The following ERBB4 variants were observed in gnomAD, a reference collection of about 807,000 sequenced individuals.
ERBB4 encodes receptor tyrosine-protein kinase erbB-4.
In ERBB4, 42 loss-of-function variants were observed where a neutral mutation model predicts 158.0. The ratio of observed to expected loss-of-function variants is 0.27; its 90% CI spans 0.21 to 0.34. ERBB4 has a LOEUF of 0.34. ERBB4 is among the 10% of genes least tolerant of loss of function. The probability of loss-of-function intolerance (pLI) is 1.00; values close to 1 mark genes in which losing one functional copy is unlikely to be tolerated. For missense variants in ERBB4, 1,333 were observed against 1,624.1 expected (o/e 0.82, Z 3.08); for synonymous variants, 583 against 558.7 (o/e 1.04, Z -0.61).
chr2:212,166,044 T>A (rs529083877), intron 1 of ERBB4, among the ~76,000 whole-genome samples: 1 of 150,140 alleles, frequency 6.7e-6, no homozygotes, highest in African/African-American at 2.4e-5. Flanking sequence ...TGTGCTCTGA[T>A]AACATCACAA....
Position 211,580,834 on chromosome 2 carries a change from AG to A in ERBB4, c.2302-18747del, listed in dbSNP as rs1559317283. Among the ~76,000 whole-genome samples, 32 of 79,830 alleles carry A rather than the reference AG, an allele frequency of 4.0e-4. 1 individual carries two copies. The highest frequency in any genetic ancestry group is 1.2e-3 in the East Asian group (3 of 2,404). 52.4% of individuals were successfully genotyped at this position (79,830 alleles called of 152,430 possible). ...TATAATATATATATATTATATATAT[AG>A]ATTATATATTATATATATAGTATGC... On this transcript the variant is annotated intron_variant, in intron 19 of 27. Coordinates refer to ENST00000342788, the MANE Select transcript of ERBB4 (RefSeq NM_005235.3).
chr2:212,122,802 T>C (rs2079797963), intron 2 of ERBB4, among the ~76,000 whole-genome samples: 1 of 151,810 alleles, frequency 6.6e-6, no homozygotes, highest in South Asian at 2.1e-4. Flanking sequence ...GACATTTTTA[T>C]ATATTATTTA....
chr2:211,616,149 T>C (rs1371600097), intron 19 of ERBB4, among the ~76,000 whole-genome samples: 1 of 151,986 alleles, frequency 6.6e-6, no homozygotes, highest in Non-Finnish European at 1.5e-5. Context: ...GCTGGAAGGA[T>C]ATGTAGGGGG....
At chr2:212,083,132 T>A (rs1351005113) in intron 2 of ERBB4, among the ~76,000 whole-genome samples, 7 of 151,998 alleles carry the variant, frequency 4.6e-5, no homozygotes, top group Admixed American at 4.6e-4. Context: ...GCAGTATGGA[T>A]ATACGGAGAT....
intron 1 of ERBB4, among the ~76,000 whole-genome samples, chr2:212,413,842 A>G (rs899277982): frequency 2.6e-5 from 4 of 152,222 alleles, no homozygotes; most frequent in African/African-American, 9.6e-5. Flanking sequence ...ATGATATATT[A>G]TCTATAGTGA....
At chr2:211,861,446 TC>T (rs1216325906) in intron 3 of ERBB4, among the ~76,000 whole-genome samples, 1 of 146,610 alleles carries the variant, frequency 6.8e-6, no homozygotes, top group Non-Finnish European at 1.5e-5. Context: ...TCCGTCATCC[TC>T]CCACTTCAGC....
At chr2:212,496,548 A>AT (rs1393797573) in intron 1 of ERBB4, among the ~76,000 whole-genome samples, 1 of 152,208 alleles carries the variant, frequency 6.6e-6, no homozygotes, top group Non-Finnish European at 1.5e-5. Flanking sequence ...CACAATAGTT[A>AT]TTTTTTAACC....
chr2:211,946,449 T>A (rs1303426143), intron 3 of ERBB4, among the ~76,000 whole-genome samples: 2 of 151,930 alleles, frequency 1.3e-5, no homozygotes, highest in African/African-American at 2.4e-5. Flanking sequence ...CTTATTGTAC[T>A]CAAAGTACAT....
intron 2 of ERBB4, among the ~76,000 whole-genome samples, chr2:212,039,217 TA>T (rs2077083787): frequency 6.6e-6 from 1 of 152,176 alleles, no homozygotes; most frequent in African/African-American, 2.4e-5. Flanking sequence ...GAATCACTAA[TA>T]AATCCCATAT....
At chr2:212,134,282 A>G (rs2888051) in intron 1 of ERBB4, among the ~76,000 whole-genome samples, 60,981 of 151,938 alleles carry the variant, frequency 0.4, 14,880 homozygotes, top group Non-Finnish European at 0.54. Flanking sequence ...TACAATGATC[A>G]TACATTACTC....
At chr2:212,368,631 T>C (rs571865655) in intron 1 of ERBB4, among the ~76,000 whole-genome samples, 2 of 152,270 alleles carry the variant, frequency 1.3e-5, no homozygotes, top group South Asian at 4.1e-4. Context: ...TGTAACTGCA[T>C]AGCTGTTTGA....
Position 211,896,819 on chromosome 2 carries a change from G to A in ERBB4, c.421+50611C>T, listed in dbSNP as rs555356424. Among the ~76,000 whole-genome samples, 16 of 152,048 alleles carry A rather than the reference G, an allele frequency of 1.1e-4. No homozygotes were observed. The South Asian group carries it at 3.3e-3, about 32-fold the overall frequency. ...GAGCTGTTTAAAATTATTTTGAAAA[G>A]CTATTTTTTAACATGAATGAACATG... is the stretch of plus-strand genomic sequence containing the variant. On this transcript the variant is annotated intron_variant, in intron 3 of 27. Coordinates refer to ENST00000342788, the MANE Select transcript of ERBB4 (RefSeq NM_005235.3).
intron 16 of ERBB4, among the ~76,000 whole-genome samples, chr2:211,654,282 A>G (rs753238624): frequency 6.6e-6 from 1 of 152,200 alleles, no homozygotes; most frequent in Non-Finnish European, 1.5e-5. Flanking sequence ...AAACTTTCTC[A>G]TAAACATCCC....
chr2:212,304,137 G>A (rs1392648832), intron 1 of ERBB4, among the ~76,000 whole-genome samples: 1 of 151,450 alleles, frequency 6.6e-6, no homozygotes, highest in Non-Finnish European at 1.5e-5. Context: ...GCTTTCAGCA[G>A]AATCAAAACT....
At chr2:211,842,170 G>C (rs1038554343) in intron 3 of ERBB4, among the ~76,000 whole-genome samples, 10 of 151,634 alleles carry the variant, frequency 6.6e-5, no homozygotes, top group African/African-American at 2.2e-4. Flanking sequence ...GAATTTTTTT[G>C]AATATTGTTG....
intron 1 of ERBB4, among the ~76,000 whole-genome samples, chr2:212,251,075 A>G (rs2084515078): frequency 6.6e-6 from 1 of 151,986 alleles, no homozygotes; most frequent in South Asian, 2.1e-4. Flanking sequence ...GATGGGTACA[A>G]AATTATTTCA....
At chr2:211,789,990 G>GA (rs200786296) in intron 3 of ERBB4, among the ~76,000 whole-genome samples, 16 of 149,810 alleles carry the variant, frequency 1.1e-4, no homozygotes, top group Middle Eastern at 3.4e-3. Context: ...TGTCGGTGAG[G>GA]AAAAAAAAAG....
chr2:211,672,011 T>G (rs1366946375), intron 14 of ERBB4, among the ~76,000 whole-genome samples: 1 of 152,166 alleles, frequency 6.6e-6, no homozygotes, highest in African/African-American at 2.4e-5. Flanking sequence ...CACTTCTTTT[T>G]CTCAGAGGTC....
intron 2 of ERBB4, among the ~76,000 whole-genome samples, chr2:212,102,088 T>C (rs1240140141): frequency 3.9e-5 from 1 of 25,496 alleles, no homozygotes; most frequent in Admixed American, 2.4e-4. Flanking sequence ...TGAAAATTTA[T>C]TTTATATATA....
Sources: allele counts gnomAD v4.1 joint callset (sites outside exome capture counted in the v4.1 genomes callset), GRCh38; gene constraint gnomAD v4.1.1; transcripts MANE v1.5; gene names NCBI Gene and HGNC (gene_info 2026-07-23, HGNC 2026-07-21).